The following CLCN1 variants were observed in gnomAD, a reference collection of about 807,000 sequenced individuals.
The protein encoded by CLCN1 is chloride channel protein 1.
Under a neutral mutation model 114.5 loss-of-function variants are expected in CLCN1, and 100 were observed. That is an observed-to-expected ratio of 0.87 (90% confidence interval 0.74 to 1.03). CLCN1 has a LOEUF of 1.03. Ranked by LOEUF, CLCN1 falls within the 50% of genes least tolerant of loss-of-function variation. The probability of loss-of-function intolerance (pLI) is 0.00; values close to 1 mark genes in which losing one functional copy is unlikely to be tolerated. For synonymous variants in CLCN1, 485 were observed against 487.1 expected (o/e 1.00, Z 0.06); for missense variants, 1,188 against 1,250.0 (o/e 0.95, Z 0.75).
Position 143,350,604 on chromosome 7 carries a change from G to C in CLCN1, c.2545G>C (p.Ala849Pro). 1.2e-6 allele frequency: 2 copies of C among 1,614,102 alleles called. No individual in the cohort carries two copies. Among genetic ancestry groups the C allele is most frequent in the Non-Finnish European group, 1.7e-6 (2 of 1,180,020 alleles). ...GTTTTCACTCCTTGGCCTCCACCTC[G>C]CTTACGTGACCAGCATGGGGAAGCT... ...TLFSLLGLHLAYVTSMGKLRG... is the reference protein window; with the variant it reads ...TLFSLLGLHLPYVTSMGKLRG... Residue 849 changes from alanine (A) to proline (P), a missense_variant, in exon 22 of 23, where the codon GCT becomes CCT. By Grantham distance (27) the Ala-to-Pro change is conservative. Coordinates refer to ENST00000343257, the MANE Select transcript of CLCN1 (RefSeq NM_000083.3). The surrounding 1 kb of genome is among the most constrained non-coding windows in gnomAD (Gnocchi z 5.1).
chr7:143,324,610 T>C lies in CLCN1; in HGVS notation c.853+118T>C. 1 of 782,796 alleles carries C rather than the reference T, an allele frequency of 1.3e-6. No homozygotes were observed. Among genetic ancestry groups the C allele is most frequent in the South Asian group, 1.4e-5 (1 of 69,770 alleles). 48.5% of individuals were successfully genotyped at this position (782,796 alleles called of 1,614,324 possible). The stretch of plus-strand genomic sequence containing the variant: ...GGTTACTTACGAGAATAGCTGACTT[T>C]TAGTAAGCCTTTGCTATGTGCCAGG... On this transcript the variant is annotated intron_variant, in intron 7 of 22. Transcript: ENST00000343257. The surrounding 1 kb of genome is among the most constrained non-coding windows in gnomAD (Gnocchi z 4.6).
intron 7 of CLCN1, among the ~76,000 whole-genome samples, chr7:143,326,325 G>T (rs1275641725): frequency 7.1e-6 from 1 of 140,236 alleles, no homozygotes; most frequent in African/African-American, 3.0e-5. Flanking sequence ...AGGAAAATTA[G>T]TATCAAAATG....
In CLCN1 at chr7:143,345,624, G is replaced by A. The variant is rs1231773243; in HGVS notation, c.2034G>A (p.Ala678=). 2.6e-6 allele frequency: 4 copies of A among 1,560,966 alleles called. No homozygotes were observed. The African/African-American group carries it at 4.1e-5, about 16-fold the overall frequency. Residue 678 remains alanine, a synonymous_variant, in exon 17 of 23, where the codon GCG becomes GCA. Coordinates refer to ENST00000343257, the MANE Select transcript of CLCN1 (RefSeq NM_000083.3). The stretch of plus-strand genomic sequence containing the variant: ...GGCTGCGCGCAGCCCAAGAGATGGC[G>A]CGGAAGTTGTCGGAGCTGCCTTACG... ...ERRLRAAQEM[A]RKLSELPYDG...
chr7:143,347,062 G>C, intron 20 of CLCN1, 113 bp downstream of exon 20: 1 of 983,868 alleles, frequency 1.0e-6, no homozygotes, highest in African/African-American at 1.6e-5. Context: ...GGTCTGGATG[G>C]GAAGTGTTTT....
intron 20 of CLCN1, among the ~76,000 whole-genome samples, chr7:143,348,529 C>T (rs192747932): frequency 2.2e-4 from 34 of 152,150 alleles, no homozygotes; most frequent in Non-Finnish European, 4.0e-4. Flanking sequence ...GCTACCAACT[C>T]CCATGTGACC....
At chr7:143,319,036 C>T (rs1003513654) in intron 1 of CLCN1, among the ~76,000 whole-genome samples, 1 of 152,138 alleles carries the variant, frequency 6.6e-6, no homozygotes, top group African/African-American at 2.4e-5. Context: ...CTCTTGTATA[C>T]CCCACACAGA....
chr7:143,328,830 ATTCTGTTCTC>A (rs1403180391), intron 7 of CLCN1, among the ~76,000 whole-genome samples: 4 of 152,162 alleles, frequency 2.6e-5, no homozygotes, highest in African/African-American at 7.2e-5. Flanking sequence ...GTTTCCTGAA[ATTCTGTTCTC>A]TTCTGTTCTC....
intron 7 of CLCN1, among the ~76,000 whole-genome samples, chr7:143,328,164 A>G (rs1802622559): frequency 6.6e-6 from 1 of 152,164 alleles, no homozygotes; most frequent in African/African-American, 2.4e-5. Flanking sequence ...AGGTGAGACC[A>G]TTTTTGCAGC....
rs555824774 is a variant in CLCN1, at chr7:143,328,537, C to T, written c.854-2235C>T. On this transcript the variant is annotated intron_variant, in intron 7 of 22. Transcript: ENST00000343257. Reference sequence around the variant, plus strand: ...GTGACAGACTGCTAGGGAAAGTGTCCCAGAACCACGTCGTAGGAAAGAAAA... The same window carrying T: ...GTGACAGACTGCTAGGGAAAGTGTCTCAGAACCACGTCGTAGGAAAGAAAA... Among the ~76,000 whole-genome samples the T allele has an allele frequency of 2.4e-4, 37 of 152,190 alleles. 1 individual carries two copies. In the South Asian group the frequency reaches 5.0e-3, roughly 21 times the overall value.
chr7:143,345,526 A>C lies in CLCN1; in HGVS notation c.1936A>C (p.Met646Leu). The change falls in exon 17 of 23, where the codon ATG becomes CTG. Residue 646 changes from methionine (M) to leucine (L), a missense_variant. Physicochemically the swap from Met to Leu is conservative, Grantham distance 15 (BLOSUM62 2). Transcript: ENST00000343257. ...AGGGCGTGGGTTTCCCTCAGATTCA[A>C]TGATCCTGCTGGGCTCGGTGGAGCG... ...TLPLVDSKDS[M>L]ILLGSVERSE... The C allele has an allele frequency of 2.0e-6, 3 of 1,534,640 alleles. No individual in the cohort carries two copies. Among genetic ancestry groups the C allele is most frequent in the Non-Finnish European group, 2.6e-6 (3 of 1,135,712 alleles).
chr7:143,347,168 A>G (rs1407513204), intron 20 of CLCN1, among the ~76,000 whole-genome samples: 1 of 152,124 alleles, frequency 6.6e-6, no homozygotes, highest in Non-Finnish European at 1.5e-5. Flanking sequence ...CAGAAGAGAA[A>G]AACTTTGAGC....
chr7:143,351,058 A>G (rs962015726), intron 22 of CLCN1, among the ~76,000 whole-genome samples: 2 of 152,174 alleles, frequency 1.3e-5, no homozygotes, highest in African/African-American at 2.4e-5. Context: ...GATTCTAGGC[A>G]TGAGCCACCA....
At chr7:143,341,668 C>A (rs1172878107) in intron 14 of CLCN1, among the ~76,000 whole-genome samples, 1 of 152,006 alleles carries the variant, frequency 6.6e-6, no homozygotes, top group Non-Finnish European at 1.5e-5. Flanking sequence ...ATGGATAGGA[C>A]ATCACTATCT....
At chr7:143,346,797 A>C in intron 19 of CLCN1, 114 bp from the exon 20 acceptor site, 2 of 1,197,080 alleles carry the variant, frequency 1.7e-6, no homozygotes, top group Non-Finnish European at 2.5e-6. Flanking sequence ...ATGATGAATG[A>C]AAAGGAGGCA....
intron 16 of CLCN1, among the ~76,000 whole-genome samples, chr7:143,342,885 A>C (rs977019460): frequency 6.6e-6 from 1 of 152,148 alleles, no homozygotes; most frequent in Admixed American, 6.5e-5. Context: ...ATGAGCCGAG[A>C]ACGTGTCATT....
chr7:143,332,942 A>C, intron 12 of CLCN1, 69 bp downstream of exon 12: 1 of 1,540,658 alleles, frequency 6.5e-7, no homozygotes, highest in Non-Finnish European at 9.0e-7. Context: ...CAGGGTTTGC[A>C]TAGGGTAGGA....
chr7:143,316,396 A>C lies in CLCN1; in HGVS notation c.180+4A>C. On this transcript the variant is annotated splice_donor_region_variant and intron_variant, in intron 1 of 22. Coordinates refer to ENST00000343257, the MANE Select transcript of CLCN1 (RefSeq NM_000083.3). ...CCACAACGTCCACCCCACACAGGTA[A>C]AGTGCTCTAAGGGGAGAGGGGAGCC... 1 of 1,612,168 alleles carries C rather than the reference A, an allele frequency of 6.2e-7. No individual in the cohort carries two copies. Among genetic ancestry groups the C allele is most frequent in the Non-Finnish European group, 8.5e-7 (1 of 1,179,880 alleles).
chr7:143,351,094 A>C (rs1586522322), intron 22 of CLCN1, among the ~76,000 whole-genome samples: 1 of 152,062 alleles, frequency 6.6e-6, no homozygotes, highest in East Asian at 1.9e-4. Context: ...TGTATTTCTT[A>C]TGCAGAGATT....
At position 143,350,398 on chromosome 7, in the gene CLCN1, G is replaced by A. The variant is rs909757799; in HGVS notation, c.2430G>A (p.Leu810=). 1 of 1,614,084 alleles carries A rather than the reference G, an allele frequency of 6.2e-7. No individual in the cohort carries two copies. The highest frequency in any genetic ancestry group is 8.5e-7 in the Non-Finnish European group (1 of 1,179,986). Reference sequence around the variant, plus strand: ...TTGAGGCCTGGGAGCAGGAGCAGCTGAGCCAGCCTGTCTGTTTTGATTCCT... The same window carrying A: ...TTGAGGCCTGGGAGCAGGAGCAGCTAAGCCAGCCTGTCTGTTTTGATTCCT... The part of the protein sequence containing the change: ...EEIEAWEQEQ[L]SQPVCFDSCC... The change falls in exon 21 of 23, where the codon CTG becomes CTA. Residue 810 remains leucine (L), a synonymous_variant. Transcript: ENST00000343257. The surrounding 1 kb of genome is among the most constrained non-coding windows in gnomAD (Gnocchi z 5.1).
Sources: gnomAD v4.1 joint callset for allele counts (sites outside exome capture counted in the v4.1 genomes callset) on GRCh38, gnomAD v4.1.1 for gene constraint, Gnocchi (gnomAD v3.1) non-coding constraint, MANE v1.5 for transcripts, NCBI Gene and HGNC (gene_info 2026-07-23, HGNC 2026-07-21) for gene names.